RAMP3: variants seen among roughly 807,000 people sequenced by gnomAD.
RAMP3 encodes the protein receptor activity-modifying protein 3.
RAMP3 carries 14 observed loss-of-function variants against 13.5 expected under a neutral mutation model. The ratio of observed to expected loss-of-function variants is 1.04; its 90% CI spans 0.69 to 1.63. The LOEUF is 1.63. Among genes scored for constraint, RAMP3 ranks in the 40% most tolerant of loss-of-function variants. The pLI, the probability that RAMP3 is intolerant of heterozygous loss-of-function variation, is 0.00. For synonymous variants in RAMP3, 106 were observed against 88.3 expected (o/e 1.20, Z -1.12); for missense variants, 200 against 204.8 (o/e 0.98, Z 0.14).
At chr7:45,170,606 G>T (rs1786060937) in intron 1 of RAMP3, among the ~76,000 whole-genome samples, 1 of 151,394 alleles carries the variant, frequency 6.6e-6, no homozygotes, top group Non-Finnish European at 1.5e-5. Flanking sequence ...CAAAGTGCTG[G>T]GATTACAGGC....
At chr7:45,172,961 G>T (rs1584072493) in intron 1 of RAMP3, among the ~76,000 whole-genome samples, 1 of 152,314 alleles carries the variant, frequency 6.6e-6, no homozygotes, top group Non-Finnish European at 1.5e-5. Flanking sequence ...CCTGCTCAGT[G>T]CCAGGTCCCA....
At chr7:45,178,894 C>A (rs1480708995) in intron 2 of RAMP3, among the ~76,000 whole-genome samples, 1 of 152,160 alleles carries the variant, frequency 6.6e-6, no homozygotes, top group Non-Finnish European at 1.5e-5. Context: ...GACTGAGTGC[C>A]CTTGGTGAAG....
At position 45,183,467 on chromosome 7, in the gene RAMP3, G is replaced by A; in HGVS notation, c.*55G>A. The stretch of plus-strand genomic sequence containing the variant: ...CTGGCAAGCTGGAAGAAAGTTCCCT[G>A]GGGATGGGAGAGCGGGTGGGTGCTG... On this transcript the variant is annotated 3_prime_UTR_variant, in exon 3 of 3. Coordinates refer to ENST00000242249, the MANE Select transcript of RAMP3 (RefSeq NM_005856.3). The A allele has an allele frequency of 6.3e-7, 1 of 1,593,900 alleles. No homozygotes were observed.
At chr7:45,165,906 G>T (rs1246269495) in intron 1 of RAMP3, among the ~76,000 whole-genome samples, 2 of 152,038 alleles carry the variant, frequency 1.3e-5, no homozygotes, top group African/African-American at 2.4e-5. Context: ...CTATCACATG[G>T]GTATACCACA....
intron 1 of RAMP3, chr7:45,163,264 A>C: frequency 1.2e-5 from 12 of 985,352 alleles, no homozygotes; most frequent in Non-Finnish European, 1.4e-5. Context: ...CTAGGGATAG[A>C]GCCCCCAAGC....
chr7:45,180,076 C>T (rs548659140), intron 2 of RAMP3, among the ~76,000 whole-genome samples: 33 of 152,248 alleles, frequency 2.2e-4, no homozygotes, highest in Non-Finnish European at 3.7e-4. Flanking sequence ...CGTGTGGCAC[C>T]TCCAGCATCT....
intron 1 of RAMP3, chr7:45,163,533 G>A (rs1785902913): frequency 2.0e-6 from 2 of 985,296 alleles, no homozygotes; most frequent in South Asian, 4.7e-5. Context: ...CAGCCAGAGG[G>A]TCGTGGAGCA....
chr7:45,177,203 C>G, intron 1 of RAMP3, 106 bp from the exon 2 acceptor site: 1 of 1,454,612 alleles, frequency 6.9e-7, no homozygotes. Context: ...GGCTTGCAAA[C>G]GGAGCCTTGC....
rs1419937576 is a variant in RAMP3, at chr7:45,183,805, A to G, written c.*393A>G. ...CCGCAGTCTAGGCCCTGCTTGGACT[A>G]GGACTCCTTGCTTGACCCCATCTCT... On this transcript the variant is annotated 3_prime_UTR_variant, in exon 3 of 3. Coordinates refer to ENST00000242249, the MANE Select transcript of RAMP3 (RefSeq NM_005856.3). 4.1e-6 allele frequency: 2 copies of G among 488,422 alleles called. No individual in the cohort carries two copies. The highest frequency in any genetic ancestry group is 7.2e-6 in the Non-Finnish European group (2 of 278,622). The allele number at this position is 488,422 out of a possible 1,614,324, so 30.3% of individuals were successfully genotyped here.
chr7:45,179,482 C>T (rs1042178780), intron 2 of RAMP3, among the ~76,000 whole-genome samples: 1 of 152,142 alleles, frequency 6.6e-6, no homozygotes, highest in Non-Finnish European at 1.5e-5. Context: ...AAACTGCAAA[C>T]GTCACGACTG....
At chr7:45,166,453 T>A (rs1422964123) in intron 1 of RAMP3, among the ~76,000 whole-genome samples, 2 of 152,228 alleles carry the variant, frequency 1.3e-5, no homozygotes, top group African/African-American at 4.8e-5. Context: ...ATCATTTATA[T>A]ATATTTTTGT....
intron 1 of RAMP3, among the ~76,000 whole-genome samples, chr7:45,171,864 C>G (rs1786090033): frequency 6.6e-6 from 1 of 152,254 alleles, no homozygotes; most frequent in Non-Finnish European, 1.5e-5. Context: ...ATATCTGTCT[C>G]TTCTTACAGC....
At chr7:45,178,193 A>T (rs1276262165) in intron 2 of RAMP3, among the ~76,000 whole-genome samples, 1 of 152,066 alleles carries the variant, frequency 6.6e-6, no homozygotes, top group Non-Finnish European at 1.5e-5. Context: ...GACTTAGAGG[A>T]ATTGGGTTCC....
intron 1 of RAMP3, among the ~76,000 whole-genome samples, chr7:45,173,597 T>C (rs1230624746): frequency 6.6e-6 from 1 of 152,068 alleles, no homozygotes; most frequent in African/African-American, 2.4e-5. Context: ...TGGGCAGTGG[T>C]TTTTACGTCC....
At chr7:45,170,710 ATCATGGC>A (rs1211012140) in intron 1 of RAMP3, among the ~76,000 whole-genome samples, 19 of 152,190 alleles carry the variant, frequency 1.2e-4, no homozygotes, top group Admixed American at 1.2e-3. Context: ...CAATGGTGTG[ATCATGGC>A]TCATTTCAGC....
At chr7:45,182,295 T>C (rs1187483185) in intron 2 of RAMP3, among the ~76,000 whole-genome samples, 1 of 152,286 alleles carries the variant, frequency 6.6e-6, no homozygotes, top group South Asian at 2.1e-4. Context: ...CAGGAGTCCA[T>C]CTAGCTTCGT....
intron 1 of RAMP3, among the ~76,000 whole-genome samples, chr7:45,166,369 G>A (rs1052221281): frequency 6.6e-6 from 1 of 152,138 alleles, no homozygotes; most frequent in African/African-American, 2.4e-5. Flanking sequence ...GTGGGTGTGA[G>A]TGGTATGTGA....
chr7:45,174,093 G>A (rs1207983257), intron 1 of RAMP3, among the ~76,000 whole-genome samples: 1 of 152,142 alleles, frequency 6.6e-6, no homozygotes, highest in Non-Finnish European at 1.5e-5. Context: ...AGGATGGGGA[G>A]CACCGTGCTT....
intron 1 of RAMP3, among the ~76,000 whole-genome samples, chr7:45,167,138 T>G (rs537058633): frequency 1.3e-5 from 2 of 152,222 alleles, no homozygotes; most frequent in East Asian, 3.9e-4. Flanking sequence ...TTTGTACTTT[T>G]AGTAGAGACG....
Sources: allele counts gnomAD v4.1 joint callset (sites outside exome capture counted in the v4.1 genomes callset), GRCh38; gene constraint gnomAD v4.1.1; transcripts MANE v1.5; gene names NCBI Gene and HGNC (gene_info 2026-07-23, HGNC 2026-07-21).